Variants in TSN observed in about 807,000 individuals in gnomAD.
TSN encodes component 3 of promoter of RISC.
TSN carries 5 observed loss-of-function variants against 29.4 expected under a neutral mutation model. That is an observed-to-expected ratio of 0.17 (90% CI 0.09 to 0.36). TSN has a LOEUF of 0.36. Ranked by LOEUF, TSN falls within the 10% of genes least tolerant of loss-of-function variation. TSN has a pLI of 1.00. For synonymous variants in TSN, 106 were observed against 102.2 expected, an observed-to-expected ratio of 1.04 and a Z score of -0.23; for missense variants, 159 against 272.8, an observed-to-expected ratio of 0.58 and a Z score of 2.94.
At chr2:121,757,020 T>C (rs1410298291) in intron 1 of TSN, among the ~76,000 whole-genome samples, 1 of 152,214 alleles carries the variant, frequency 6.6e-6, no homozygotes, top group Non-Finnish European at 1.5e-5. Flanking sequence ...AATGTCCCAA[T>C]TGAATACTTG....
chr2:121,766,675 A>G lies in TSN; in HGVS notation c.*1308A>G, dbSNP rs1012166574. ...TTGCTATTGAATTGAGATGATTAAAATGGTGACTTAATCCGTAGTTATTTT... is the reference window on the plus strand; with the variant it reads ...TTGCTATTGAATTGAGATGATTAAAGTGGTGACTTAATCCGTAGTTATTTT... On this transcript the variant is annotated 3_prime_UTR_variant, in exon 6 of 6. Transcript: ENST00000389682. 1.3e-5 allele frequency: 2 copies of G among 152,226 alleles called. No homozygotes were observed. Among genetic ancestry groups the G allele is most frequent in the Non-Finnish European group, 2.9e-5 (2 of 68,046 alleles). The allele number at this position is 152,226 out of a possible 1,614,324, so 9.4% of individuals were successfully genotyped here. A position where few individuals can be genotyped will look rare whatever the true frequency, so the allele number is the denominator to read the frequency against.
intron 5 of TSN, among the ~76,000 whole-genome samples, chr2:121,763,485 C>CTT (rs200596864): frequency 0.013 from 1,945 of 152,228 alleles, 15 homozygotes; most frequent in Non-Finnish European, 0.02. Flanking sequence ...TTCAGAACGT[C>CTT]TTAATTCTTT....
intron 3 of TSN, 26 bp downstream of exon 3, chr2:121,758,832 T>A: frequency 6.9e-7 from 1 of 1,446,562 alleles, no homozygotes; most frequent in Non-Finnish European, 9.3e-7. Flanking sequence ...AGCATTATTT[T>A]ATAATGTTAA....
chr2:121,759,184 A>G (rs2074787906), intron 3 of TSN, among the ~76,000 whole-genome samples: 2 of 152,218 alleles, frequency 1.3e-5, no homozygotes, highest in Non-Finnish European at 2.9e-5. Context: ...TTGAAGCTTG[A>G]ATTTCACTGC....
At position 121,765,190 on chromosome 2, in the gene TSN, C is replaced by T; in HGVS notation, c.510C>T (p.Ile170=). The T allele has an allele frequency of 6.2e-7, 1 of 1,614,228 alleles. No individual in the cohort carries two copies. Among genetic ancestry groups the T allele is most frequent in the African/African-American group, 1.3e-5 (1 of 75,060 alleles). Residue 170 remains isoleucine, a synonymous_variant, in exon 6 of 6, where the codon ATC becomes ATT. Coordinates refer to ENST00000389682, the MANE Select transcript of TSN (RefSeq NM_004622.3). ...GAGACTACTCCCGACCCCTCCACAT[C>T]TCCACCTTCATCAATGAGCTGGATT... The part of the protein sequence containing the change: ...TAGDYSRPLH[I]STFINELDSG...
At position 121,757,350 on chromosome 2, in the gene TSN, G is replaced by A. The variant is rs776678641; in HGVS notation, c.160+17G>A. ...TTCAGGACAGTAAGTTCTTTGTTTT[G>A]TATCCAATTATCAGTCTCTTATTTA... On this transcript the variant is annotated intron_variant, in intron 2 of 5. Transcript: ENST00000389682. 1 of 1,613,756 alleles carries A rather than the reference G, an allele frequency of 6.2e-7. No homozygotes were observed.
rs1293435650 is a variant in TSN at position 121,767,417 on chromosome 2, C to A, written c.*2050C>A. The A allele has an allele frequency of 6.6e-6, 1 of 152,190 alleles. No homozygotes were observed. Among genetic ancestry groups the A allele is most frequent in the East Asian group, 1.9e-4 (1 of 5,184 alleles). 9.4% of individuals were successfully genotyped at this position (152,190 alleles called of 1,614,324 possible). The stretch of plus-strand genomic sequence containing the variant: ...TAATGGTTACACTAACCAAAAGACA[C>A]CAGCCACTCAGAGTTCTATACTGTA... On this transcript the variant is annotated 3_prime_UTR_variant, in exon 6 of 6. Coordinates refer to ENST00000389682, the MANE Select transcript of TSN (RefSeq NM_004622.3).
At chr2:121,755,885 G>C in intron 1 of TSN, 40 bp downstream of exon 1, 1 of 1,612,468 alleles carries the variant, frequency 6.2e-7, no homozygotes, top group Non-Finnish European at 8.5e-7. Context: ...GCCTTTCCAT[G>C]CCTAGTTGGG....
Position 121,755,696 on chromosome 2 carries a change from T to G in TSN, c.-84T>G. 1.9e-6 allele frequency: 3 copies of G among 1,565,180 alleles called. No homozygotes were observed. The highest frequency in any genetic ancestry group is 2.6e-6 in the Non-Finnish European group (3 of 1,148,054). Reference sequence around the variant, plus strand: ...GGGACGCGGCGGTAGCGGCGGCCGTTGCGATTGATTGCGCTGGTTGCCTGC... The same window carrying G: ...GGGACGCGGCGGTAGCGGCGGCCGTGGCGATTGATTGCGCTGGTTGCCTGC... On this transcript the variant is annotated 5_prime_UTR_variant, in exon 1 of 6. Coordinates refer to ENST00000389682, the MANE Select transcript of TSN (RefSeq NM_004622.3).
chr2:121,756,327 C>A, intron 1 of TSN: 1 of 249,078 alleles, frequency 4.0e-6, no homozygotes, highest in Non-Finnish European at 8.2e-6. Context: ...TTCTAGTGCC[C>A]CAAATAGCTT....
Position 121,755,772 on chromosome 2 carries a change from C to G in TSN, c.-8C>G. On this transcript the variant is annotated 5_prime_UTR_variant, in exon 1 of 6. Transcript: ENST00000389682. Reference sequence around the variant, plus strand: ...GCTACACTGGCTGATTGTTGTGCAGCCGGCGCCATGTCTGTGAGCGAGATC... The same window carrying G: ...GCTACACTGGCTGATTGTTGTGCAGGCGGCGCCATGTCTGTGAGCGAGATC... 2 of 1,613,602 alleles carry G rather than the reference C, an allele frequency of 1.2e-6. No homozygotes were observed. The highest frequency in any genetic ancestry group is 1.7e-6 in the Non-Finnish European group (2 of 1,180,032).
chr2:121,764,462 CAAAA>C (rs1483137728), intron 5 of TSN, among the ~76,000 whole-genome samples: 1 of 151,864 alleles, frequency 6.6e-6, no homozygotes, highest in South Asian at 2.1e-4. Flanking sequence ...AACAAACAAA[CAAAA>C]AACCCGTATG....
rs1375810287 is a variant in TSN at position 121,766,652 on chromosome 2, G to C, written c.*1285G>C. 1.3e-5 allele frequency: 2 copies of C among 152,164 alleles called. No individual in the cohort carries two copies. The highest frequency in any genetic ancestry group is 2.9e-5 in the Non-Finnish European group (2 of 68,046). 9.4% of individuals were successfully genotyped at this position (152,164 alleles called of 1,614,324 possible). A position where few individuals can be genotyped will look rare whatever the true frequency, so the allele number is the denominator to read the frequency against. On this transcript the variant is annotated 3_prime_UTR_variant, in exon 6 of 6. Coordinates refer to ENST00000389682, the MANE Select transcript of TSN (RefSeq NM_004622.3). ...TAAGAGTATGTGCCAGGAAACTCTT[G>C]CTATTGAATTGAGATGATTAAAATG...
At chr2:121,756,014 T>G in intron 1 of TSN, 169 bp downstream of exon 1, 4 of 1,352,006 alleles carry the variant, frequency 3.0e-6, no homozygotes, top group Non-Finnish European at 2.0e-6. Context: ...AAAATTTTGC[T>G]GCTCTGTCCT....
chr2:121,757,795 T>C (rs2074771056), intron 2 of TSN, among the ~76,000 whole-genome samples: 1 of 152,062 alleles, frequency 6.6e-6, no homozygotes, highest in South Asian at 2.1e-4. Context: ...TAGCTGGTGT[T>C]ACAGGTGCCC....
In TSN at chr2:121,755,737, G is replaced by A; in HGVS notation, c.-43G>A. On this transcript the variant is annotated 5_prime_UTR_variant, in exon 1 of 6. Coordinates refer to ENST00000389682, the MANE Select transcript of TSN (RefSeq NM_004622.3). ...GGTTGCCTGCGGCGTCCACTTCCTT[G>A]GCCGCCCTTGCTACACTGGCTGATT... The A allele has an allele frequency of 6.2e-7, 1 of 1,610,188 alleles. No homozygotes were observed. Among genetic ancestry groups the A allele is most frequent in the Non-Finnish European group, 8.5e-7 (1 of 1,179,412 alleles).
intron 2 of TSN, chr2:121,757,671 T>C (rs1350519688): frequency 4.4e-6 from 1 of 224,760 alleles, no homozygotes; most frequent in Non-Finnish European, 8.8e-6. Context: ...TTTTTTTTTT[T>C]CTGAGACGGA....
At chr2:121,756,464 C>T (rs750043156) in intron 1 of TSN, 10 of 261,534 alleles carry the variant, frequency 3.8e-5, no homozygotes, top group Non-Finnish European at 8.1e-5. Context: ...AGCACATTAA[C>T]TTTTTTTAAT....
chr2:121,763,996 T>C (rs2074869593), intron 5 of TSN, among the ~76,000 whole-genome samples: 1 of 152,208 alleles, frequency 6.6e-6, no homozygotes, highest in African/African-American at 2.4e-5. Flanking sequence ...TCCAGAACTG[T>C]TGCTCTAGTC....
Sources: allele counts gnomAD v4.1 joint callset (sites outside exome capture counted in the v4.1 genomes callset), GRCh38; gene constraint gnomAD v4.1.1; transcripts MANE v1.5; gene names NCBI Gene and HGNC (gene_info 2026-07-23, HGNC 2026-07-21).